ACTL8: variants seen among roughly 807,000 people sequenced by gnomAD.
ACTL8 encodes the protein actin like 8.
ACTL8 carries 3 observed loss-of-function variants against 9.3 expected under a neutral mutation model. The ratio of observed to expected loss-of-function variants is 0.32; its 90% confidence interval spans 0.15 to 0.83. The LOEUF (loss-of-function observed/expected upper bound fraction) is 0.83, where lower values mean the gene tolerates loss of function less well. Among genes scored for constraint, ACTL8 ranks in the 40% least tolerant of loss-of-function variants. The pLI, the probability that ACTL8 is intolerant of heterozygous loss-of-function variation, is 0.57. For missense variants in ACTL8, 381 were observed against 492.2 expected (o/e 0.77, Z 2.14); for synonymous variants, 224 against 205.9 (o/e 1.09, Z -0.75).
At chr1:17,764,225 A>T (rs542854767) in intron 1 of ACTL8, among the ~76,000 whole-genome samples, 105 of 152,254 alleles carry the variant, frequency 6.9e-4, no homozygotes, top group African/African-American at 2.4e-3. Context: ...GGTAGAGGCC[A>T]GGGAAGCTGC....
At chr1:17,785,015 C>G (rs993806512) in intron 1 of ACTL8, among the ~76,000 whole-genome samples, 1 of 152,182 alleles carries the variant, frequency 6.6e-6, no homozygotes, top group Non-Finnish European at 1.5e-5. Flanking sequence ...TAGAACTCCT[C>G]TTTCTAAAGC....
In ACTL8 at chr1:17,826,004, C is replaced by T. The variant is rs1334179780; in HGVS notation, c.586C>T (p.Arg196Cys). The T allele has an allele frequency of 3.1e-6, 5 of 1,607,754 alleles. No individual in the cohort carries two copies. Among genetic ancestry groups the T allele is most frequent in the Admixed American group, 1.7e-5 (1 of 60,018 alleles). The change falls in exon 3 of 3, where the codon CGC (arginine) becomes TGC (cysteine). Residue 196 changes from arginine to cysteine, a missense_variant. Transcript: ENST00000375406. The surrounding 1 kb of genome is among the most constrained non-coding windows in gnomAD (Gnocchi z 4.5). ...TCTCTTTAAGGAAGATTGCGATAGA[C>T]GCTGCCTGTTTCAGCTGGAGACAGT... ...KSLFKEDCDR[R>C]CLFQLETVAV...
At chr1:17,812,427 CTTTTTTT>C (rs141182523) in intron 1 of ACTL8, among the ~76,000 whole-genome samples, 5 of 122,410 alleles carry the variant, frequency 4.1e-5, no homozygotes, top group African/African-American at 9.1e-5. Context: ...ATTTTTTTTC[CTTTTTTT>C]TTTTTTTTTT....
At chr1:17,772,654 C>T (rs2066091051) in intron 1 of ACTL8, among the ~76,000 whole-genome samples, 1 of 152,164 alleles carries the variant, frequency 6.6e-6, no homozygotes, top group East Asian at 1.9e-4. Flanking sequence ...GGTTGGGGGG[C>T]TCCCTTTTGA....
chr1:17,770,692 CAG>C, intron 1 of ACTL8, among the ~76,000 whole-genome samples: 1 of 152,168 alleles, frequency 6.6e-6, no homozygotes, highest in South Asian at 2.1e-4. Context: ...GGAAAGACCT[CAG>C]AGAGACAGTA....
chr1:17,799,906 A>G (rs2066307966), intron 1 of ACTL8, among the ~76,000 whole-genome samples: 1 of 148,650 alleles, frequency 6.7e-6, no homozygotes, highest in African/African-American at 2.5e-5. Context: ...CTCTTCACAC[A>G]CAGGAGGTTC....
intron 1 of ACTL8, among the ~76,000 whole-genome samples, chr1:17,814,977 G>A (rs975612264): frequency 7.3e-5 from 11 of 151,418 alleles, no homozygotes; most frequent in Non-Finnish European, 1.5e-5. Context: ...TTTTACAATT[G>A]CCTGCAGTAT....
intron 1 of ACTL8, among the ~76,000 whole-genome samples, chr1:17,797,876 TGGCAGGGGCTGGGTACAG>T (rs1430904862): frequency 6.6e-6 from 1 of 152,208 alleles, no homozygotes; most frequent in Non-Finnish European, 1.5e-5. Flanking sequence ...CCAATGTTCC[TGGCAGGGGCTGGGTACAG>T]GGCAGGGGAG....
rs549691442 is a variant in ACTL8 at position 17,806,961 on chromosome 1, G to A, written c.-24-16024G>A. ...GTTGTCAGGGCTGCCTCCTTTTGGG[G>A]GTTCTAGGGAAATATCCATGTCTTT... On this transcript the variant is annotated intron_variant, in intron 1 of 2. Coordinates refer to ENST00000375406, the MANE Select transcript of ACTL8 (RefSeq NM_030812.3). 2.0e-5 allele frequency among the ~76,000 whole-genome samples: 3 copies of A among 152,266 alleles called. No individual in the cohort carries two copies. In the South Asian group the frequency reaches 6.2e-4, roughly 32 times the overall value.
At chr1:17,825,703 CT>C (rs956412924) in intron 2 of ACTL8, 63 bp from the exon 3 acceptor site, 1 of 1,560,556 alleles carries the variant, frequency 6.4e-7, no homozygotes, top group Admixed American at 1.7e-5. Context: ...TCTGTGCTGA[CT>C]TCAGCTTTGA....
At position 17,823,084 on chromosome 1, in the gene ACTL8, C is replaced by G. The variant is rs2053677311; in HGVS notation, c.76C>G (p.Gln26Glu). ...KAGTAGWNEP[Q>E]MVFPNIVNYL... is the part of the protein sequence containing the mutation. ...TGGCACGGCCGGCTGGAATGAGCCT[C>G]AGATGGTCTTCCCGAACATCGTGAA... Residue 26 changes from glutamine to glutamate, a missense_variant, in exon 2 of 3, where the codon CAG (glutamine) becomes GAG (glutamate). Gln to Glu is a conservative substitution (Grantham distance 29). This residue lies in a region of ACTL8 where 125 missense variants were observed against 180.7 expected (regional missense o/e 0.69). Transcript: ENST00000375406. This position sits in a 1 kb window ranked among gnomAD's most constrained non-coding sequence, Gnocchi z 5.3. 1 of 1,614,128 alleles carries G rather than the reference C, an allele frequency of 6.2e-7. No homozygotes were observed. Among genetic ancestry groups the G allele is most frequent in the African/African-American group, 1.3e-5 (1 of 74,944 alleles).
In ACTL8 at chr1:17,823,689, C is replaced by G. The variant is rs1242847411; in HGVS notation, c.348+333C>G. On this transcript the variant is annotated intron_variant, in intron 2 of 2. Transcript: ENST00000375406. The surrounding 1 kb of genome is among the most constrained non-coding windows in gnomAD (Gnocchi z 5.3). Reference sequence around the variant, plus strand: ...AATAGAGTGAGCTGAGATCACGACACTGCACTCTAGCCTGGGCAACAGAGC... The same window carrying G: ...AATAGAGTGAGCTGAGATCACGACAGTGCACTCTAGCCTGGGCAACAGAGC... 6.6e-6 allele frequency among the ~76,000 whole-genome samples: 1 copy of G among 152,108 alleles called. No homozygotes were observed. Among genetic ancestry groups the G allele is most frequent in the Non-Finnish European group, 1.5e-5 (1 of 68,012 alleles).
chr1:17,799,838 C>G (rs2066307399), intron 1 of ACTL8, among the ~76,000 whole-genome samples: 1 of 151,752 alleles, frequency 6.6e-6, no homozygotes, highest in Non-Finnish European at 1.5e-5. Context: ...GCCCCCACCA[C>G]CCACATCCAT....
intron 1 of ACTL8, among the ~76,000 whole-genome samples, chr1:17,757,076 G>C (rs894181262): frequency 3.3e-5 from 5 of 152,178 alleles, no homozygotes; most frequent in Non-Finnish European, 5.9e-5. Flanking sequence ...GCTGCAGTAA[G>C]CTATGATTGC....
At chr1:17,755,937 G>C (rs1222436443) in intron 1 of ACTL8, among the ~76,000 whole-genome samples, 1 of 149,658 alleles carries the variant, frequency 6.7e-6, no homozygotes, top group African/African-American at 2.5e-5. Flanking sequence ...CTCTATTTCA[G>C]TCCTGGGGTG....
At chr1:17,771,053 G>T (rs2066079812) in intron 1 of ACTL8, among the ~76,000 whole-genome samples, 1 of 152,194 alleles carries the variant, frequency 6.6e-6, no homozygotes, top group Non-Finnish European at 1.5e-5. Flanking sequence ...GATGATACTT[G>T]TAAAGCGTAT....
At chr1:17,760,379 T>G (rs141587760) in intron 1 of ACTL8, among the ~76,000 whole-genome samples, 1 of 152,314 alleles carries the variant, frequency 6.6e-6, no homozygotes, top group East Asian at 1.9e-4. Context: ...TTTGCTCCAT[T>G]GTCTTTTTCC....
intron 1 of ACTL8, among the ~76,000 whole-genome samples, chr1:17,800,943 C>A (rs183760872): frequency 6.6e-6 from 1 of 152,066 alleles, no homozygotes; most frequent in Admixed American, 6.5e-5. Flanking sequence ...CAGCTAAGGG[C>A]GGCATTTGCT....
At chr1:17,790,907 A>T (rs2066234087) in intron 1 of ACTL8, among the ~76,000 whole-genome samples, 2 of 152,202 alleles carry the variant, frequency 1.3e-5, no homozygotes, top group Admixed American at 1.3e-4. Context: ...GACCGTGTGC[A>T]CATCTGGCTG....
Sources: gnomAD v4.1 joint callset for allele counts (sites outside exome capture counted in the v4.1 genomes callset) on GRCh38, gnomAD v4.1.1 for gene constraint, gnomAD v4.1.1 regional missense constraint, Gnocchi (gnomAD v3.1) non-coding constraint, MANE v1.5 for transcripts, NCBI Gene and HGNC (gene_info 2026-07-23, HGNC 2026-07-21) for gene names.